COL13A1: variants seen among roughly 807,000 people sequenced by gnomAD.
The protein encoded by COL13A1 is collagen alpha-1(XIII) chain.
In COL13A1, 89 loss-of-function variants were observed where a neutral mutation model predicts 130.9. The ratio of observed to expected loss-of-function variants is 0.68; its 90% CI spans 0.57 to 0.81. COL13A1 has a LOEUF of 0.81. COL13A1 is among the 30% of genes least tolerant of loss of function. COL13A1 has a pLI of 0.00. For synonymous variants in COL13A1, 402 were observed against 341.6 expected (o/e 1.18, Z -1.95); for missense variants, 879 against 934.6 (o/e 0.94, Z 0.78).
intron 2 of COL13A1, among the ~76,000 whole-genome samples, chr10:69,842,562 T>G (rs1246477436): frequency 6.6e-6 from 1 of 152,192 alleles, no homozygotes; most frequent in African/African-American, 2.4e-5. Flanking sequence ...CTGTCCATGC[T>G]CATTCCGGCA....
At chr10:69,814,948 A>G (rs1364049327) in intron 1 of COL13A1, among the ~76,000 whole-genome samples, 1 of 152,268 alleles carries the variant, frequency 6.6e-6, no homozygotes, top group African/African-American at 2.4e-5. Context: ...CAATGTGCAT[A>G]GCTGTTATAA....
chr10:69,944,713 A>T (rs567476728), intron 36 of COL13A1, among the ~76,000 whole-genome samples: 1 of 150,030 alleles, frequency 6.7e-6, no homozygotes, highest in East Asian at 1.9e-4. Context: ...AGAAAAAGAA[A>T]AAAGAGGAAA....
intron 1 of COL13A1, among the ~76,000 whole-genome samples, chr10:69,821,507 C>G (rs540324657): frequency 8.3e-4 from 126 of 152,332 alleles, no homozygotes; most frequent in African/African-American, 2.9e-3. Flanking sequence ...TCTTTCTATG[C>G]ATTAATCTTT....
At chr10:69,830,260 A>G (rs901570505) in intron 2 of COL13A1, among the ~76,000 whole-genome samples, 96 of 152,370 alleles carry the variant, frequency 6.3e-4, no homozygotes, top group African/African-American at 2.3e-3. Flanking sequence ...TGTGCGTAAA[A>G]GAAGAAGAGA....
In COL13A1 at chr10:69,957,005, G is replaced by T; in HGVS notation, c.2147G>T (p.Gly716Val). 1 of 1,613,728 alleles carries T rather than the reference G, an allele frequency of 6.2e-7. No homozygotes were observed. The highest frequency in any genetic ancestry group is 8.5e-7 in the Non-Finnish European group (1 of 1,179,682). Residue 716 changes from glycine (G) to valine (V), a missense_variant and splice_region_variant, in exon 40 of 41, where the codon GGC becomes GTC. Physicochemically the swap from Gly to Val is moderately radical, Grantham distance 109. Transcript: ENST00000645393. ...CTCTGCCTTCCTTTCTCCTTGCAGG[G>T]CGAAGATGGCTTACCAGTCCAAGGC... ...APGLDAPCPL[G>V]EDGLPVQGCW...
chr10:69,957,847 C>A (rs76784645), intron 40 of COL13A1, among the ~76,000 whole-genome samples: 3,681 of 152,264 alleles, frequency 0.024, 82 homozygotes, highest in Middle Eastern at 0.068. Flanking sequence ...TCACCAACCC[C>A]CCACCACCAT....
At chr10:69,864,595 G>GCACAGTGACTCA (rs1219477711) in intron 2 of COL13A1, among the ~76,000 whole-genome samples, 1 of 152,188 alleles carries the variant, frequency 6.6e-6, no homozygotes, top group East Asian at 1.9e-4. Context: ...CCACAGCCCA[G>GCACAGTGACTCA]CACAGTGACT....
chr10:69,944,266 T>C, intron 36 of COL13A1, 88 bp downstream of exon 36: 1 of 1,112,546 alleles, frequency 9.0e-7, no homozygotes. Flanking sequence ...CCTCATGCCT[T>C]CCTTCTTCCA....
At chr10:69,834,896 A>G (rs763493700) in intron 2 of COL13A1, among the ~76,000 whole-genome samples, 9 of 152,208 alleles carry the variant, frequency 5.9e-5, no homozygotes, top group Non-Finnish European at 1.0e-4. Context: ...TTAGAGAAGA[A>G]AGACCTTACC....
At chr10:69,806,460 G>C (rs1841609040) in intron 1 of COL13A1, among the ~76,000 whole-genome samples, 1 of 152,238 alleles carries the variant, frequency 6.6e-6, no homozygotes, top group African/African-American at 2.4e-5. Flanking sequence ...GTTGTGCAGA[G>C]CCGGGATTGG....
At chr10:69,860,160 C>T (rs370735399) in intron 2 of COL13A1, among the ~76,000 whole-genome samples, 10 of 152,226 alleles carry the variant, frequency 6.6e-5, no homozygotes, top group South Asian at 2.1e-4. Flanking sequence ...AAGCAGTAGA[C>T]GCAGTGACCA....
rs200273902 is a variant in COL13A1, at chr10:69,921,926, G to C, written c.1134G>C (p.Leu378=). ...AEGSPGLPGL[L]GQKGEKGDAG... is the part of the protein sequence containing the mutation. Reference sequence around the variant, plus strand: ...GCTCCCCTGGGCTTCCTGGCCTCCTGGGGCAGAAGGTAGGTGTTGCTCTGA... The same window carrying C: ...GCTCCCCTGGGCTTCCTGGCCTCCTCGGGCAGAAGGTAGGTGTTGCTCTGA... The change falls in exon 22 of 41, where the codon CTG becomes CTC. Residue 378 remains leucine (L), a synonymous_variant. Coordinates refer to ENST00000645393, the MANE Select transcript of COL13A1 (RefSeq NM_001368882.1). 143 of 1,605,376 alleles carry C rather than the reference G, an allele frequency of 8.9e-5. No homozygotes were observed. Among genetic ancestry groups the C allele is most frequent in the Non-Finnish European group, 7.6e-5 (89 of 1,176,230 alleles).
At position 69,932,727 on chromosome 10, in the gene COL13A1, T is replaced by C. The variant is rs74139244; in HGVS notation, c.1728+123T>C. On this transcript the variant is annotated intron_variant, in intron 31 of 40. Transcript: ENST00000645393. The stretch of plus-strand genomic sequence containing the variant: ...TGTTTACGTTTACTGAGCACCACCA[T>C]AGGTCAGGCACTGATCCTCTGGACT... 3,747 of 674,630 alleles carry C rather than the reference T, an allele frequency of 5.6e-3. 92 individuals carry two copies. The African/African-American group carries it at 0.058, about 11-fold the overall frequency. The allele number at this position is 674,630 out of a possible 1,614,324, so 41.8% of individuals were successfully genotyped here. A position where few individuals can be genotyped will look rare whatever the true frequency, so the allele number is the denominator to read the frequency against.
Position 69,930,526 on chromosome 10 carries a change from G to A in COL13A1, c.1657G>A (p.Gly553Arg). 1 of 1,613,706 alleles carries A rather than the reference G, an allele frequency of 6.2e-7. No individual in the cohort carries two copies. Among genetic ancestry groups the A allele is most frequent in the South Asian group, 1.1e-5 (1 of 91,044 alleles). ...GAGCCCAGGAGAGAAGGGGGAAAAA[G>A]GGGAGACAGGACAAGCAGGCTCACC... ...PGSPGEKGEK[G>R]ETGQAGSPGE... The change falls in exon 30 of 41, where the codon GGG becomes AGG. Residue 553 changes from glycine (G) to arginine (R), a missense_variant. Transcript: ENST00000645393.
intron 2 of COL13A1, among the ~76,000 whole-genome samples, chr10:69,829,893 T>G (rs182579330): frequency 1.3e-5 from 2 of 152,320 alleles, no homozygotes; most frequent in Admixed American, 1.3e-4. Flanking sequence ...CAAAGTTCAT[T>G]TCTTCCCCAT....
At chr10:69,896,821 G>A (rs2061691152) in intron 13 of COL13A1, among the ~76,000 whole-genome samples, 1 of 152,240 alleles carries the variant, frequency 6.6e-6, no homozygotes, top group South Asian at 2.1e-4. Context: ...CCTGTCAGCG[G>A]CATGTGCTCC....
At chr10:69,887,896 C>T (rs2060758457) in intron 8 of COL13A1, among the ~76,000 whole-genome samples, 4 of 152,140 alleles carry the variant, frequency 2.6e-5, no homozygotes, top group Admixed American at 2.6e-4. Context: ...TGTCCTTGAC[C>T]TCTGCTTATG....
At chr10:69,824,124 T>A (rs781447114) in intron 2 of COL13A1, 1 of 472,174 alleles carries the variant, frequency 2.1e-6, no homozygotes, top group African/African-American at 2.0e-5. Flanking sequence ...TTATTTAACC[T>A]CCTTGTGCCT....
chr10:69,929,901 C>A, intron 28 of COL13A1, 142 bp from the exon 29 acceptor site: 1 of 710,218 alleles, frequency 1.4e-6, no homozygotes, highest in Non-Finnish European at 2.5e-6. Flanking sequence ...CAAATTCATA[C>A]CTCCCAGCAA....
Sources: allele counts gnomAD v4.1 joint callset (sites outside exome capture counted in the v4.1 genomes callset), GRCh38; gene constraint gnomAD v4.1.1; transcripts MANE v1.5; gene names NCBI Gene and HGNC (gene_info 2026-07-23, HGNC 2026-07-21).